MASTL: variants seen among roughly 807,000 people sequenced by gnomAD.
MASTL encodes serine/threonine-protein kinase greatwall.
A neutral mutation model predicts 82.5 loss-of-function variants in MASTL; 54 were observed. The observed-to-expected ratio is 0.65, with a 90% CI of 0.53 to 0.82. The LOEUF is 0.82. MASTL is among the 40% of genes least tolerant of loss of function. MASTL has a pLI of 0.00. For missense variants in MASTL, 950 were observed against 1,047.8 expected (o/e 0.91, Z 1.29); for synonymous variants, 323 against 368.9 (o/e 0.88, Z 1.43).
chr10:27,183,164 A>G (rs2058423898), intron 11 of MASTL, among the ~76,000 whole-genome samples: 1 of 152,224 alleles, frequency 6.6e-6, no homozygotes, highest in Non-Finnish European at 1.5e-5. Flanking sequence ...GGCTCAAGAC[A>G]AACTTGGTAT....
At chr10:27,183,695 C>T (rs1437387799) in intron 11 of MASTL, among the ~76,000 whole-genome samples, 1 of 152,006 alleles carries the variant, frequency 6.6e-6, no homozygotes, top group Non-Finnish European at 1.5e-5. Context: ...TAGGTGTTCC[C>T]TGTAATAATT....
At chr10:27,182,237 ACT>A (rs747168121) in intron 11 of MASTL, among the ~76,000 whole-genome samples, 21 of 126,406 alleles carry the variant, frequency 1.7e-4, no homozygotes, top group Non-Finnish European at 3.0e-4. Flanking sequence ...GGCGACAGAG[ACT>A]CTGTCTCAAA....
chr10:27,158,855 A>C (rs2057478567), intron 2 of MASTL, among the ~76,000 whole-genome samples, 169 bp downstream of exon 2: 1 of 152,236 alleles, frequency 6.6e-6, no homozygotes, highest in Non-Finnish European at 1.5e-5. Flanking sequence ...AAAGAAAAAG[A>C]ACCAATAAGA....
At position 27,165,158 on chromosome 10, in the gene MASTL, C is replaced by G. The variant is rs372458968; in HGVS notation, c.648C>G (p.Ser216Arg). ...RTPGQVLSLISSLGFNTPIAE... is the reference protein window; with the variant it reads ...RTPGQVLSLIRSLGFNTPIAE... Reference sequence around the variant, plus strand: ...CAGGACAAGTGTTATCGCTTATCAGCTCGTTGGGATTTGTAAGTACTTGAG... The same window carrying G: ...CAGGACAAGTGTTATCGCTTATCAGGTCGTTGGGATTTGTAAGTACTTGAG... Residue 216 changes from serine to arginine, a missense_variant, in exon 5 of 12, where the codon AGC becomes AGG. By Grantham distance (110) the Ser-to-Arg change is moderately radical. Transcript: ENST00000375940. 3.1e-6 allele frequency: 5 copies of G among 1,611,184 alleles called. No homozygotes were observed. Among genetic ancestry groups the G allele is most frequent in the Non-Finnish European group, 4.2e-6 (5 of 1,177,512 alleles).
At chr10:27,183,535 G>A (rs1006247273) in intron 11 of MASTL, among the ~76,000 whole-genome samples, 2 of 151,842 alleles carry the variant, frequency 1.3e-5, no homozygotes, top group African/African-American at 4.8e-5. Context: ...CTCCTGCCTC[G>A]GCCTCCCAAA....
At chr10:27,186,144 G>T (rs2058730733) in intron 11 of MASTL, among the ~76,000 whole-genome samples, 1 of 152,158 alleles carries the variant, frequency 6.6e-6, no homozygotes. Context: ...CATTCATTCT[G>T]TCATTAAACA....
chr10:27,177,259 C>G (rs1440127018), intron 9 of MASTL, among the ~76,000 whole-genome samples: 1 of 152,194 alleles, frequency 6.6e-6, no homozygotes, highest in Non-Finnish European at 1.5e-5. Flanking sequence ...TAGTGTTCCT[C>G]TTTCTCGCTT....
chr10:27,157,778 A>G (rs1201344926), intron 1 of MASTL, among the ~76,000 whole-genome samples: 2 of 152,046 alleles, frequency 1.3e-5, no homozygotes, highest in Non-Finnish European at 1.5e-5. Context: ...AGTAGTTCTA[A>G]TCATTCCAAC....
At position 27,166,787 on chromosome 10, in the gene MASTL, C is replaced by G. The variant is rs559206284; in HGVS notation, c.812-315C>G. ...AATTAGTCAATCAATCGACCATTCC[C>G]TTGTTCTTATTCTTTACTGAATGAA... On this transcript the variant is annotated intron_variant, in intron 6 of 11. Coordinates refer to ENST00000375940, the MANE Select transcript of MASTL (RefSeq NM_001172303.3). Among the ~76,000 whole-genome samples the G allele has an allele frequency of 4.6e-5, 7 of 152,240 alleles. No individual in the cohort carries two copies. The East Asian group carries it at 7.7e-4, about 17-fold the overall frequency.
Position 27,170,254 on chromosome 10 carries a change from G to A in MASTL, c.1295G>A (p.Gly432Glu). Residue 432 changes from glycine to glutamate, a missense_variant, in exon 8 of 12, where the codon GGG (glycine) becomes GAG (glutamate). Transcript: ENST00000375940. ...AATCAGTGGGCTGTGGATTCTGGTG[G>A]GATATCTGAAGAGCACCTTGGGAAA... ...QSNQWAVDSG[G>E]ISEEHLGKRS... 6.2e-7 allele frequency: 1 copy of A among 1,613,970 alleles called. No individual in the cohort carries two copies.
chr10:27,162,708 G>A (rs924520292), intron 4 of MASTL, among the ~76,000 whole-genome samples: 2 of 152,058 alleles, frequency 1.3e-5, no homozygotes, highest in African/African-American at 4.8e-5. Flanking sequence ...ATTAGAAAGT[G>A]TAGACGGATG....
At chr10:27,163,741 C>T (rs1159805990) in intron 4 of MASTL, among the ~76,000 whole-genome samples, 1 of 151,974 alleles carries the variant, frequency 6.6e-6, no homozygotes, top group Non-Finnish European at 1.5e-5. Context: ...CGCCATTCTC[C>T]TGCCTCAGTC....
At chr10:27,183,491 G>A (rs973736384) in intron 11 of MASTL, among the ~76,000 whole-genome samples, 1 of 151,916 alleles carries the variant, frequency 6.6e-6, no homozygotes, top group African/African-American at 2.4e-5. Flanking sequence ...CACCATGTTG[G>A]CCAGGATGGT....
intron 9 of MASTL, among the ~76,000 whole-genome samples, chr10:27,179,607 A>C (rs1044823489): frequency 6.6e-6 from 1 of 152,178 alleles, no homozygotes; most frequent in Non-Finnish European, 1.5e-5. Flanking sequence ...TTTTGCATCC[A>C]ATGAATATTT....
Position 27,182,393 on chromosome 10 carries a change from T to C in MASTL, c.2482+812T>C, listed in dbSNP as rs546353475. Among the ~76,000 whole-genome samples, 13 of 152,292 alleles carry C rather than the reference T, an allele frequency of 8.5e-5. No homozygotes were observed. In the East Asian group the frequency reaches 2.3e-3, roughly 27 times the overall value. On this transcript the variant is annotated intron_variant, in intron 11 of 11. Coordinates refer to ENST00000375940, the MANE Select transcript of MASTL (RefSeq NM_001172303.3). ...CTACATGAAAATTCAATGTGTCACA[T>C]GGTAGAAGAGGCAAAAAAAATTTAG...
chr10:27,181,398 CAAAAA>C, intron 10 of MASTL, 77 bp from the exon 11 acceptor site: 1 of 1,099,954 alleles, frequency 9.1e-7, no homozygotes, highest in Non-Finnish European at 1.4e-6. Flanking sequence ...TCTCAAAAAA[CAAAAA>C]AAAGTAGTCA....
chr10:27,170,320 C>G lies in MASTL; in HGVS notation c.1361C>G (p.Pro454Arg). ...AATTTTGAGTTGGTTGACTCCAGTC[C>G]TTGTAAAAAAATTATACAGAATAAA... is the stretch of plus-strand genomic sequence containing the variant. ...KRNFELVDSS[P>R]CKKIIQNKKT... The change falls in exon 8 of 12, where the codon CCT becomes CGT. Residue 454 changes from proline to arginine, a missense_variant. Transcript: ENST00000375940. 1 of 1,613,594 alleles carries G rather than the reference C, an allele frequency of 6.2e-7. No homozygotes were observed.
Position 27,159,832 on chromosome 10 carries a change from C to A in MASTL, c.464+74C>A. ...ATTACATATTTGAGTCTCAGATATT[C>A]ACAGTAACCACTTGCACTTATTTCC... On this transcript the variant is annotated intron_variant, in intron 3 of 11. Coordinates refer to ENST00000375940, the MANE Select transcript of MASTL (RefSeq NM_001172303.3). The surrounding 1 kb of genome is among the most constrained non-coding windows in gnomAD (Gnocchi z 4.0). The A allele has an allele frequency of 8.0e-7, 1 of 1,247,814 alleles. No homozygotes were observed. Among genetic ancestry groups the A allele is most frequent in the South Asian group, 1.2e-5 (1 of 83,236 alleles). The allele number at this position is 1,247,814 out of a possible 1,614,324, so 77.3% of individuals were successfully genotyped here.
At chr10:27,162,116 TG>T (rs1477218399) in intron 4 of MASTL, among the ~76,000 whole-genome samples, 2 of 152,190 alleles carry the variant, frequency 1.3e-5, no homozygotes, top group Non-Finnish European at 2.9e-5. Flanking sequence ...AATATTTTTC[TG>T]GGGGCATTGT....
Sources: allele counts gnomAD v4.1 joint callset (sites outside exome capture counted in the v4.1 genomes callset), GRCh38; gene constraint gnomAD v4.1.1; non-coding constraint Gnocchi (gnomAD v3.1); transcripts MANE v1.5; gene names NCBI Gene and HGNC (gene_info 2026-07-23, HGNC 2026-07-21).